Variants in UBE2E3 observed in about 807,000 individuals in gnomAD.
UBE2E3 encodes the protein ubiquitin conjugating enzyme E2 E3.
A neutral mutation model predicts 23.6 loss-of-function variants in UBE2E3; 5 were observed. That is an observed-to-expected ratio of 0.21 (90% CI 0.11 to 0.44). UBE2E3 has a LOEUF of 0.44. Among genes scored for constraint, UBE2E3 ranks in the 20% least tolerant of loss-of-function variants. The pLI, the probability that UBE2E3 is intolerant of heterozygous loss-of-function variation, is 0.99. For synonymous variants in UBE2E3, 78 were observed against 87.5 expected, an observed-to-expected ratio of 0.89 and a Z score of 0.60; for missense variants, 81 against 249.8, an observed-to-expected ratio of 0.32 and a Z score of 4.55.
intron 5 of UBE2E3, among the ~76,000 whole-genome samples, chr2:181,061,882 G>A (rs952304340): frequency 1.1e-4 from 17 of 151,274 alleles, no homozygotes; most frequent in Admixed American, 3.3e-4. Context: ...AATAGATAGT[G>A]ACAGATGGAT....
chr2:181,041,278 A>T (rs1050991473), intron 3 of UBE2E3, among the ~76,000 whole-genome samples: 2 of 140,566 alleles, frequency 1.4e-5, no homozygotes, highest in Non-Finnish European at 3.2e-5. Context: ...TTCTTCATAT[A>T]GAGTGTCAAA....
chr2:181,026,565 A>T (rs953933035), intron 3 of UBE2E3, among the ~76,000 whole-genome samples: 1 of 151,482 alleles, frequency 6.6e-6, no homozygotes. Flanking sequence ...GGCTGAGGAA[A>T]CAGAAAGTGA....
At chr2:181,033,289 G>T (rs1209899364) in intron 3 of UBE2E3, among the ~76,000 whole-genome samples, 2 of 152,142 alleles carry the variant, frequency 1.3e-5, no homozygotes, top group East Asian at 1.9e-4. Context: ...ATACTACAAG[G>T]CTACAGTAAC....
intron 3 of UBE2E3, among the ~76,000 whole-genome samples, chr2:181,043,992 A>G (rs1010063433): frequency 1.3e-5 from 2 of 152,094 alleles, no homozygotes; most frequent in African/African-American, 4.8e-5. Flanking sequence ...AAAAACTTTT[A>G]TTCACGTCTC....
chr2:181,001,364 GCTT>G (rs1458182966), intron 3 of UBE2E3, among the ~76,000 whole-genome samples: 1 of 152,126 alleles, frequency 6.6e-6, no homozygotes, highest in Non-Finnish European at 1.5e-5. Context: ...GAATTTTCGA[GCTT>G]CTTAAATGGC....
At chr2:181,026,688 C>T (rs116627543) in intron 3 of UBE2E3, among the ~76,000 whole-genome samples, 606 of 151,782 alleles carry the variant, frequency 4.0e-3, no homozygotes, top group Non-Finnish European at 6.3e-3. Context: ...AGATTTGTTC[C>T]GCCATTACTT....
chr2:181,000,700 G>A (rs1174298336), intron 3 of UBE2E3, among the ~76,000 whole-genome samples: 2 of 151,822 alleles, frequency 1.3e-5, no homozygotes, highest in Admixed American at 6.6e-5. Flanking sequence ...GACTACAGGC[G>A]CCCACCACCA....
chr2:180,991,710 C>G (rs1341453817), intron 3 of UBE2E3, among the ~76,000 whole-genome samples: 1 of 151,974 alleles, frequency 6.6e-6, no homozygotes, highest in Non-Finnish European at 1.5e-5. Context: ...ATGTGTGGCC[C>G]AAGAGAGTTC....
At chr2:180,991,763 C>G (rs1471772327) in intron 3 of UBE2E3, among the ~76,000 whole-genome samples, 1 of 152,142 alleles carries the variant, frequency 6.6e-6, no homozygotes, top group Non-Finnish European at 1.5e-5. Flanking sequence ...AGATTGGACA[C>G]TCCTGGACTA....
intron 2 of UBE2E3, among the ~76,000 whole-genome samples, chr2:180,982,576 CAT>C (rs979520094): frequency 1.3e-5 from 2 of 151,874 alleles, no homozygotes; most frequent in African/African-American, 4.9e-5. Flanking sequence ...TTTTATGAGT[CAT>C]AATCTTCTTT....
intron 3 of UBE2E3, among the ~76,000 whole-genome samples, chr2:181,025,404 TTTTTTCCCTGACAGTTTATGTTAAA>T (rs763288247): frequency 2.5e-4 from 2 of 7,942 alleles, no homozygotes; most frequent in Non-Finnish European, 4.1e-4. Flanking sequence ...ATATTATCTA[TTTTTTCCCTGACAGTTTATGTTAAA>T]ATACATTTAG....
chr2:181,037,522 A>G (rs892474883), intron 3 of UBE2E3, among the ~76,000 whole-genome samples: 1 of 152,214 alleles, frequency 6.6e-6, no homozygotes, highest in East Asian at 1.9e-4. Context: ...TTACAAAAAA[A>G]GTTTAAAAAA....
At chr2:181,027,161 TA>T (rs1463673586) in intron 3 of UBE2E3, among the ~76,000 whole-genome samples, 1 of 151,938 alleles carries the variant, frequency 6.6e-6, no homozygotes, top group Non-Finnish European at 1.5e-5. Flanking sequence ...GCCATTTAAA[TA>T]AAAGGTCTCT....
chr2:181,037,464 CT>C (rs1367362314), intron 3 of UBE2E3, among the ~76,000 whole-genome samples: 12 of 152,088 alleles, frequency 7.9e-5, no homozygotes, highest in African/African-American at 2.2e-4. Context: ...ATATATGCTC[CT>C]GAGCCTGTGT....
chr2:181,004,283 T>A (rs1179413969), intron 3 of UBE2E3, among the ~76,000 whole-genome samples: 1 of 152,198 alleles, frequency 6.6e-6, no homozygotes, highest in African/African-American at 2.4e-5. Context: ...GATAACATAA[T>A]GTTAATATTT....
chr2:180,990,021 A>G, intron 3 of UBE2E3: 2 of 1,485,148 alleles, frequency 1.3e-6, no homozygotes, highest in East Asian at 2.5e-5. Flanking sequence ...ATAGAAAGTG[A>G]TTTTTTTTTC....
At position 181,061,247 on chromosome 2, in the gene UBE2E3, C is replaced by T. The variant is rs1198941556; in HGVS notation, c.526+435C>T. Among the ~76,000 whole-genome samples, 2 of 49,096 alleles carry T rather than the reference C, an allele frequency of 4.1e-5. 1 individual carries two copies. The highest frequency in any genetic ancestry group is 7.1e-5 in the Non-Finnish European group (2 of 28,128). 32.2% of individuals were successfully genotyped at this position (49,096 alleles called of 152,430 possible). Reference sequence around the variant, plus strand: ...ACGCCATTCTCCTGCCTCAGCCTCCCGAGTAGCTGGGACTACAGGCGCCCG... The same window carrying T: ...ACGCCATTCTCCTGCCTCAGCCTCCTGAGTAGCTGGGACTACAGGCGCCCG... On this transcript the variant is annotated intron_variant, in intron 5 of 5. Transcript: ENST00000410062.
At chr2:181,049,659 C>A (rs1256815562) in intron 3 of UBE2E3, among the ~76,000 whole-genome samples, 1 of 151,936 alleles carries the variant, frequency 6.6e-6, no homozygotes, top group Admixed American at 6.6e-5. Context: ...ATTACTAGAT[C>A]AAGAAAGCAT....
At chr2:181,007,471 A>G (rs1317516067) in intron 3 of UBE2E3, among the ~76,000 whole-genome samples, 4 of 151,878 alleles carry the variant, frequency 2.6e-5, no homozygotes, top group Non-Finnish European at 5.9e-5. Context: ...GAAAGTGGAG[A>G]TAAGTAAAAC....
Sources: gnomAD v4.1 joint callset for allele counts (sites outside exome capture counted in the v4.1 genomes callset) on GRCh38, gnomAD v4.1.1 for gene constraint, MANE v1.5 for transcripts, NCBI Gene and HGNC (gene_info 2026-07-23, HGNC 2026-07-21) for gene names.